HTT: variants seen among roughly 807,000 people sequenced by gnomAD.
HTT encodes huntington disease protein.
In HTT, 104 loss-of-function variants were observed where a neutral mutation model predicts 362.3. The observed-to-expected ratio is 0.29, with a 90% CI of 0.24 to 0.34. HTT has a LOEUF of 0.34. Among genes scored for constraint, HTT ranks in the 10% least tolerant of loss-of-function variants. The pLI is 1.00. For missense variants in HTT, 3,301 were observed against 3,928.6 expected (o/e 0.84, Z 4.27); for synonymous variants, 1,577 against 1,548.7 (o/e 1.02, Z -0.43).
intron 2 of HTT, among the ~76,000 whole-genome samples, chr4:3,089,704 C>T (rs1212069990): frequency 6.6e-6 from 1 of 152,226 alleles, no homozygotes. Flanking sequence ...CTGAGTGCGT[C>T]AGGCTTTATT....
In HTT at chr4:3,136,396, A is replaced by G. The variant is rs961175983; in HGVS notation, c.2798+70A>G. The G allele has an allele frequency of 5.8e-5, 45 of 776,630 alleles. No individual in the cohort carries two copies. In the African/African-American group the frequency reaches 7.8e-4, roughly 13 times the overall value. 48.1% of individuals were successfully genotyped at this position (776,630 alleles called of 1,614,324 possible). ...CTAAAAGATACGAGAATGGAAAGAG[A>G]GGGAAGAATTCAAAGGATGTAGAGC... On this transcript the variant is annotated intron_variant, in intron 21 of 66. Transcript: ENST00000355072.
rs1264631533 is a variant in HTT, at chr4:3,218,830, A to T, written c.7242+878A>T. ...TGCAGCATCCTCAGGCAGGAAAGAA[A>T]GGCCGACCTGGCAGGGTGTGAGCCA... On this transcript the variant is annotated intron_variant, in intron 52 of 66. Transcript: ENST00000355072. This position sits in a 1 kb window ranked among gnomAD's most constrained non-coding sequence, Gnocchi z 4.4. Among the ~76,000 whole-genome samples, 1 of 152,182 alleles carries T rather than the reference A, an allele frequency of 6.6e-6. No individual in the cohort carries two copies. Among genetic ancestry groups the T allele is most frequent in the Non-Finnish European group, 1.5e-5 (1 of 68,030 alleles).
intron 6 of HTT, among the ~76,000 whole-genome samples, chr4:3,109,088 A>G (rs1001838178): frequency 2.6e-5 from 4 of 151,666 alleles, no homozygotes; most frequent in African/African-American, 9.7e-5. Context: ...TATATTATCA[A>G]TGAAATTCAG....
chr4:3,230,387 C>T (rs1721194327), intron 60 of HTT, among the ~76,000 whole-genome samples: 1 of 152,142 alleles, frequency 6.6e-6, no homozygotes, highest in Non-Finnish European at 1.5e-5. Flanking sequence ...TACTGGCTTC[C>T]CCATGCTCTG....
At chr4:3,209,278 T>C (rs1720021249) in intron 46 of HTT, among the ~76,000 whole-genome samples, 1 of 152,202 alleles carries the variant, frequency 6.6e-6, no homozygotes, top group African/African-American at 2.4e-5. Context: ...CTGCCAGCCA[T>C]TCTGGTATGT....
chr4:3,153,451 T>TA lies in HTT; in HGVS notation c.3499-841dup, dbSNP rs561722803. On this transcript the variant is annotated intron_variant, in intron 26 of 66. Coordinates refer to ENST00000355072, the MANE Select transcript of HTT (RefSeq NM_001388492.1). ...ACTCTGCTCCATGATGGCTGCCTCCTAGAGCATTGGGAGTCTCGATGTTCT... is the reference window on the plus strand; with the variant it reads ...ACTCTGCTCCATGATGGCTGCCTCCTAAGAGCATTGGGAGTCTCGATGTTCT... Among the ~76,000 whole-genome samples, 632 of 152,348 alleles carry TA rather than the reference T, an allele frequency of 4.1e-3. 2 individuals carry two copies. Among genetic ancestry groups the TA allele is most frequent in the Non-Finnish European group, 7.2e-3 (491 of 68,024 alleles).
At chr4:3,223,634 A>G (rs1720775607) in intron 55 of HTT, 74 bp downstream of exon 55, 2 of 1,337,486 alleles carry the variant, frequency 1.5e-6, no homozygotes, top group Admixed American at 2.2e-5. Context: ...TGAAGCGTCC[A>G]GCAGCTTCAA....
At chr4:3,159,309 G>A (rs1560573717) in intron 28 of HTT, among the ~76,000 whole-genome samples, 1 of 152,172 alleles carries the variant, frequency 6.6e-6, no homozygotes, top group Admixed American at 6.5e-5. Context: ...TTGAGAGCTA[G>A]AACTTCCCAT....
intron 64 of HTT, among the ~76,000 whole-genome samples, chr4:3,236,772 C>T (rs1721558090): frequency 1.3e-5 from 2 of 152,160 alleles, no homozygotes; most frequent in East Asian, 3.9e-4. Context: ...CCACCACCCC[C>T]CACTGCTGTG....
intron 26 of HTT, among the ~76,000 whole-genome samples, chr4:3,148,888 C>T (rs552501160): frequency 6.6e-6 from 1 of 152,280 alleles, no homozygotes. Flanking sequence ...ACCTGGGAGG[C>T]GGAGTTTGCA....
Position 3,206,242 on chromosome 4 carries a change from CT to C in HTT, c.5719-253del, listed in dbSNP as rs1240962315. Among the ~76,000 whole-genome samples, 3 of 152,248 alleles carry C rather than the reference CT, an allele frequency of 2.0e-5. No homozygotes were observed. Among genetic ancestry groups the C allele is most frequent in the African/African-American group, 7.2e-5 (3 of 41,470 alleles). ...TTTGTTAGTGTCTCTGAGAGCTGGA[CT>C]GCTGTACCCTACTTCCCCAGGGGGC... On this transcript the variant is annotated intron_variant, in intron 42 of 66. Coordinates refer to ENST00000355072, the MANE Select transcript of HTT (RefSeq NM_001388492.1). This position sits in a 1 kb window ranked among gnomAD's most constrained non-coding sequence, Gnocchi z 4.6.
At chr4:3,193,047 A>T (rs183787751) in intron 40 of HTT, among the ~76,000 whole-genome samples, 4 of 152,316 alleles carry the variant, frequency 2.6e-5, no homozygotes, top group Admixed American at 1.3e-4. Flanking sequence ...TGAGGGAGAG[A>T]AGTAGCTAGC....
rs765305415 is a variant in HTT, at chr4:3,224,151, C to T, written c.7765+20C>T. 5.5e-5 allele frequency: 88 copies of T among 1,612,724 alleles called. No homozygotes were observed. Among genetic ancestry groups the T allele is most frequent in the Non-Finnish European group, 6.7e-5 (79 of 1,179,192 alleles). On this transcript the variant is annotated intron_variant, in intron 56 of 66. Coordinates refer to ENST00000355072, the MANE Select transcript of HTT (RefSeq NM_001388492.1). ...CTACAGGTACCTGAGGGAAAGGGTG[C>T]GGGGGAGCGGTTGTACTTGGGCTAG...
At chr4:3,130,932 C>G (rs1483939675) in intron 14 of HTT, among the ~76,000 whole-genome samples, 2 of 152,154 alleles carry the variant, frequency 1.3e-5, no homozygotes, top group Non-Finnish European at 2.9e-5. Context: ...AGGCTGTTGC[C>G]TTTCCCCAAG....
At chr4:3,211,755 A>G (rs1445474870) in intron 47 of HTT, among the ~76,000 whole-genome samples, 174 bp from the exon 48 acceptor site, 1 of 152,266 alleles carries the variant, frequency 6.6e-6, no homozygotes, top group Non-Finnish European at 1.5e-5. Flanking sequence ...AATTGTTCAA[A>G]TATTTATAAC....
rs757320279 is a variant in HTT at position 3,238,855 on chromosome 4, T to C, written c.9092T>C (p.Met3031Thr). 1 of 1,611,836 alleles carries C rather than the reference T, an allele frequency of 6.2e-7. No individual in the cohort carries two copies. Among genetic ancestry groups the C allele is most frequent in the Admixed American group, 1.7e-5 (1 of 59,944 alleles). The change falls in exon 66 of 67, where the codon ATG becomes ACG. Residue 3031 changes from methionine (M) to threonine (T), a missense_variant. Coordinates refer to ENST00000355072, the MANE Select transcript of HTT (RefSeq NM_001388492.1). ...CTGCACAGCACCGGGCAGTCGTCCATGGTCCGGGACTGGGTCATGCTGTCC... is the reference window on the plus strand; with the variant it reads ...CTGCACAGCACCGGGCAGTCGTCCACGGTCCGGGACTGGGTCATGCTGTCC... ...QTLHSTGQSS[M>T]VRDWVMLSLS...
chr4:3,144,265 G>GA (rs1166744580), intron 23 of HTT, among the ~76,000 whole-genome samples: 1 of 151,894 alleles, frequency 6.6e-6, no homozygotes, highest in Non-Finnish European at 1.5e-5. Context: ...TTTGTTATCA[G>GA]AAAAAAATAA....
intron 27 of HTT, among the ~76,000 whole-genome samples, chr4:3,156,182 C>A (rs554435299): frequency 6.6e-6 from 1 of 152,108 alleles, no homozygotes; most frequent in Admixed American, 6.5e-5. Flanking sequence ...TACCATGGCA[C>A]GATCTCATCT....
chr4:3,132,184 C>T (rs363080), intron 16 of HTT, among the ~76,000 whole-genome samples: 15,913 of 152,194 alleles, frequency 0.1, 1,089 homozygotes, highest in Middle Eastern at 0.17. Context: ...GGAGCCTTCT[C>T]GTTCTCTCTT....
Sources: allele counts gnomAD v4.1 joint callset (sites outside exome capture counted in the v4.1 genomes callset), GRCh38; gene constraint gnomAD v4.1.1; non-coding constraint Gnocchi (gnomAD v3.1); transcripts MANE v1.5; gene names NCBI Gene and HGNC (gene_info 2026-07-23, HGNC 2026-07-21).